Variants in GPR63 observed in about 807,000 individuals in gnomAD.
The protein encoded by GPR63 is G protein-coupled receptor 63, also known as probable G protein-coupled receptor 63.
Under a neutral mutation model 23.1 loss-of-function variants are expected in GPR63, and 12 were observed. The ratio of observed to expected loss-of-function variants is 0.52; its 90% CI spans 0.33 to 0.84. The LOEUF is 0.84. Ranked by LOEUF, GPR63 falls within the 40% of genes least tolerant of loss-of-function variation. GPR63 has a pLI of 0.02. For missense variants in GPR63, 472 were observed against 515.6 expected (o/e 0.92, Z 0.82); for synonymous variants, 172 against 191.1 (o/e 0.90, Z 0.82).
At chr6:96,814,204 G>A (rs1774108977) in intron 1 of GPR63, among the ~76,000 whole-genome samples, 1 of 152,006 alleles carries the variant, frequency 6.6e-6, no homozygotes, top group African/African-American at 2.4e-5. Flanking sequence ...GTAAATTATA[G>A]ATGAGGAAGC....
chr6:96,798,402 G>T lies in GPR63; in HGVS notation c.*70C>A. The T allele has an allele frequency of 6.7e-7, 1 of 1,501,258 alleles. No individual in the cohort carries two copies. Among genetic ancestry groups the T allele is most frequent in the South Asian group, 1.3e-5 (1 of 78,512 alleles). The allele number at this position is 1,501,258 out of a possible 1,614,324, so 93.0% of individuals were successfully genotyped here. ...CCTATAAAAAAAAATAAAGTGGAGA[G>T]GCTATGAGAAAGAGAATTCAATGTC... is the stretch of plus-strand genomic sequence containing the variant. On this transcript the variant is annotated 3_prime_UTR_variant, in exon 2 of 2. Transcript: ENST00000229955.
At chr6:96,816,677 C>T (rs1232222457) in intron 1 of GPR63, among the ~76,000 whole-genome samples, 1 of 152,020 alleles carries the variant, frequency 6.6e-6, no homozygotes, top group East Asian at 1.9e-4. Flanking sequence ...GCTGAGAAAC[C>T]GAGAGCCTGC....
chr6:96,815,337 G>A (rs1213926436), intron 1 of GPR63, among the ~76,000 whole-genome samples: 1 of 152,190 alleles, frequency 6.6e-6, no homozygotes, highest in Non-Finnish European at 1.5e-5. Context: ...AATTGGAATG[G>A]CTCTGATTCT....
intron 1 of GPR63, among the ~76,000 whole-genome samples, chr6:96,805,479 A>T (rs529412056): frequency 6.6e-6 from 1 of 152,298 alleles, no homozygotes; most frequent in East Asian, 1.9e-4. Flanking sequence ...GGGGACAAAC[A>T]GCCCAACCAT....
chr6:96,798,335 C>A lies in GPR63; in HGVS notation c.*137G>T. On this transcript the variant is annotated 3_prime_UTR_variant, in exon 2 of 2. Transcript: ENST00000229955. ...ATTCTTGGTAACAGAACTATAATTACCATTCTTTCTTTACACTGCTCACAC... is the reference window on the plus strand; with the variant it reads ...ATTCTTGGTAACAGAACTATAATTAACATTCTTTCTTTACACTGCTCACAC... The A allele has an allele frequency of 1.3e-6, 1 of 783,766 alleles. No individual in the cohort carries two copies. Among genetic ancestry groups the A allele is most frequent in the South Asian group, 2.2e-5 (1 of 44,466 alleles). The allele number at this position is 783,766 out of a possible 1,614,324, so 48.6% of individuals were successfully genotyped here.
chr6:96,803,281 A>T (rs1361834611), intron 1 of GPR63, among the ~76,000 whole-genome samples: 4 of 152,234 alleles, frequency 2.6e-5, no homozygotes, highest in Non-Finnish European at 5.9e-5. Context: ...ATCTGATGGT[A>T]GCCCAAGAAC....
intron 1 of GPR63, among the ~76,000 whole-genome samples, chr6:96,802,648 T>C (rs911169393): frequency 1.3e-5 from 2 of 151,692 alleles, no homozygotes; most frequent in East Asian, 3.9e-4. Context: ...CACGTCATTC[T>C]TCTGCCTCAG....
intron 1 of GPR63, among the ~76,000 whole-genome samples, chr6:96,826,059 T>G (rs990624928): frequency 2.6e-5 from 4 of 152,076 alleles, no homozygotes; most frequent in African/African-American, 9.6e-5. Context: ...AGATGTACCA[T>G]TTCAAATAAG....
chr6:96,814,958 T>C (rs1373479170), intron 1 of GPR63, among the ~76,000 whole-genome samples: 2 of 152,232 alleles, frequency 1.3e-5, no homozygotes, highest in African/African-American at 4.8e-5. Flanking sequence ...ACAATTTTCA[T>C]ACTGCTGACT....
In GPR63 at chr6:96,797,792, A is replaced by G. The variant is rs995989186; in HGVS notation, c.*680T>C. 22 of 152,244 alleles carry G rather than the reference A, an allele frequency of 1.4e-4. No individual in the cohort carries two copies. Among genetic ancestry groups the G allele is most frequent in the Admixed American group, 9.2e-4 (14 of 15,278 alleles). The allele number at this position is 152,244 out of a possible 1,614,324, so 9.4% of individuals were successfully genotyped here. A position where few individuals can be genotyped will look rare whatever the true frequency, so the allele number is the denominator to read the frequency against. On this transcript the variant is annotated 3_prime_UTR_variant, in exon 2 of 2. Transcript: ENST00000229955. Reference sequence around the variant, plus strand: ...GAGTTGCTATTGTGCTTAGAAAAGTATCTACATTTTATGTTCTCTTTTACA... The same window carrying G: ...GAGTTGCTATTGTGCTTAGAAAAGTGTCTACATTTTATGTTCTCTTTTACA...
rs1773584337 is a variant in GPR63, at chr6:96,796,596, C to T, written c.*1876G>A. On this transcript the variant is annotated 3_prime_UTR_variant, in exon 2 of 2. Transcript: ENST00000229955. ...AAACAATTTGAAATGTCAGACATGCCCTATTAAAACTTGTTCTAGGCTCAG... is the reference window on the plus strand; with the variant it reads ...AAACAATTTGAAATGTCAGACATGCTCTATTAAAACTTGTTCTAGGCTCAG... 6.6e-6 allele frequency: 1 copy of T among 152,082 alleles called. No homozygotes were observed. The highest frequency in any genetic ancestry group is 1.9e-4 in the East Asian group (1 of 5,194). The allele number at this position is 152,082 out of a possible 1,614,324, so 9.4% of individuals were successfully genotyped here.
rs535446483 is a variant in GPR63 at position 96,810,008 on chromosome 6, T to C, written c.-150-10127A>G. On this transcript the variant is annotated intron_variant, in intron 1 of 1. Transcript: ENST00000229955. ...CAATCAATATCTCTATTATAGCCTATTGGTGGGAGTATGAACTGGTACAGC... is the reference window on the plus strand; with the variant it reads ...CAATCAATATCTCTATTATAGCCTACTGGTGGGAGTATGAACTGGTACAGC... Among the ~76,000 whole-genome samples, 282 of 152,282 alleles carry C rather than the reference T, an allele frequency of 1.9e-3. 2 individuals carry two copies. The highest frequency in any genetic ancestry group is 3.3e-3 in the Non-Finnish European group (227 of 68,018).
At chr6:96,807,651 A>T (rs1463892132) in intron 1 of GPR63, among the ~76,000 whole-genome samples, 1 of 152,222 alleles carries the variant, frequency 6.6e-6, no homozygotes, top group Non-Finnish European at 1.5e-5. Flanking sequence ...AAATAAAAAC[A>T]GTAGGAACTC....
intron 1 of GPR63, among the ~76,000 whole-genome samples, chr6:96,809,077 T>C (rs1773974309): frequency 6.6e-6 from 1 of 152,054 alleles, no homozygotes; most frequent in East Asian, 1.9e-4. Context: ...TTATATTATT[T>C]TGACTGTATC....
chr6:96,834,353 T>C (rs1420029360), intron 1 of GPR63, among the ~76,000 whole-genome samples: 2 of 152,142 alleles, frequency 1.3e-5, no homozygotes, highest in African/African-American at 4.8e-5. Flanking sequence ...TGAGGGCACA[T>C]CTAACCTTAA....
In GPR63 at chr6:96,798,309, T is replaced by C; in HGVS notation, c.*163A>G. ...TATTTGTAATCACTTTCCTATTATT[T>C]ATTCTTGGTAACAGAACTATAATTA... On this transcript the variant is annotated 3_prime_UTR_variant, in exon 2 of 2. Coordinates refer to ENST00000229955, the MANE Select transcript of GPR63 (RefSeq NM_030784.4). The C allele has an allele frequency of 1.5e-6, 1 of 666,252 alleles. No homozygotes were observed. The highest frequency in any genetic ancestry group is 2.8e-5 in the East Asian group (1 of 36,076). 41.3% of individuals were successfully genotyped at this position (666,252 alleles called of 1,614,324 possible).
chr6:96,825,125 A>G (rs1198159568), intron 1 of GPR63, among the ~76,000 whole-genome samples: 1 of 152,116 alleles, frequency 6.6e-6, no homozygotes, highest in Non-Finnish European at 1.5e-5. Flanking sequence ...CTTCTAGCAA[A>G]TAGGGCCCAT....
intron 1 of GPR63, among the ~76,000 whole-genome samples, chr6:96,804,445 T>A (rs1004653922): frequency 5.9e-5 from 9 of 152,348 alleles, no homozygotes; most frequent in African/African-American, 2.2e-4. Context: ...ACGACCACTA[T>A]GCTTTGCACA....
rs1773687289 is a variant in GPR63 at position 96,799,213 on chromosome 6, G to A, written c.519C>T (p.Leu173=). ...LFVIEGVAIL[L]IISIDRFLII... is the part of the protein sequence containing the mutation. Reference sequence around the variant, plus strand: ...TAAGGAACCTATCTATGCTAATGATGAGCAGGATGGCTACTCCTTCTATCA... The same window carrying A: ...TAAGGAACCTATCTATGCTAATGATAAGCAGGATGGCTACTCCTTCTATCA... Residue 173 remains leucine (L), a synonymous_variant, in exon 2 of 2, where the codon CTC becomes CTT. Coordinates refer to ENST00000229955, the MANE Select transcript of GPR63 (RefSeq NM_030784.4). 2 of 1,614,136 alleles carry A rather than the reference G, an allele frequency of 1.2e-6. No homozygotes were observed. Among genetic ancestry groups the A allele is most frequent in the Non-Finnish European group, 8.5e-7 (1 of 1,180,022 alleles).
Sources: allele counts gnomAD v4.1 joint callset (sites outside exome capture counted in the v4.1 genomes callset), GRCh38; gene constraint gnomAD v4.1.1; transcripts MANE v1.5; gene names NCBI Gene and HGNC (gene_info 2026-07-23, HGNC 2026-07-21).